SPOCK3: variants seen among roughly 807,000 people sequenced by gnomAD.
SPOCK3 encodes testican-3.
In SPOCK3, 30 loss-of-function variants were observed where a neutral mutation model predicts 56.6. The observed-to-expected ratio is 0.53, with a 90% CI of 0.40 to 0.72. The LOEUF is 0.72. SPOCK3 is among the 30% of genes least tolerant of loss of function. The probability of loss-of-function intolerance (pLI) is 0.00; values close to 1 mark genes in which losing one functional copy is unlikely to be tolerated. For synonymous variants in SPOCK3, 196 were observed against 183.3 expected, an observed-to-expected ratio of 1.07 and a Z score of -0.56; for missense variants, 527 against 530.0, an observed-to-expected ratio of 0.99 and a Z score of 0.06.
intron 7 of SPOCK3, among the ~76,000 whole-genome samples, chr4:166,786,596 C>T (rs958536519): frequency 6.6e-6 from 1 of 152,152 alleles, no homozygotes; most frequent in Non-Finnish European, 1.5e-5. Context: ...GTATGTGATA[C>T]TCAGGGACAG....
chr4:167,076,145 T>A (rs1262584445), intron 2 of SPOCK3, among the ~76,000 whole-genome samples: 1 of 151,610 alleles, frequency 6.6e-6, no homozygotes, highest in Non-Finnish European at 1.5e-5. Context: ...AGGGTTTGGG[T>A]GGGGAGAAGA....
At chr4:167,112,192 G>A (rs1760961191) in intron 2 of SPOCK3, among the ~76,000 whole-genome samples, 2 of 152,102 alleles carry the variant, frequency 1.3e-5, no homozygotes, top group African/African-American at 2.4e-5. Context: ...AATATAATTT[G>A]CTGAAAATGT....
At chr4:167,061,868 C>T (rs1005105598) in intron 3 of SPOCK3, among the ~76,000 whole-genome samples, 7 of 151,808 alleles carry the variant, frequency 4.6e-5, no homozygotes, top group African/African-American at 1.2e-4. Context: ...TCTCTTTAGT[C>T]ATTTATGTAA....
At chr4:166,941,773 G>A (rs1389431080) in intron 4 of SPOCK3, among the ~76,000 whole-genome samples, 1 of 152,212 alleles carries the variant, frequency 6.6e-6, no homozygotes, top group Non-Finnish European at 1.5e-5. Flanking sequence ...GCCACGGTGT[G>A]AGTAGTCCTG....
chr4:166,939,393 AAAT>A (rs1343981668), intron 4 of SPOCK3, among the ~76,000 whole-genome samples: 2 of 152,180 alleles, frequency 1.3e-5, no homozygotes, highest in Admixed American at 1.3e-4. Flanking sequence ...AGCATAAATA[AAAT>A]AATAAGAACA....
Position 166,788,249 on chromosome 4 carries a change from A to C in SPOCK3, c.709+3921T>G, listed in dbSNP as rs987490496. ...AATTTATTTTTAACCAAATTAAATC[A>C]TGTAGATGACAAGCTTTATTTCAAC... On this transcript the variant is annotated intron_variant, in intron 7 of 10. Coordinates refer to ENST00000357545, the MANE Select transcript of SPOCK3 (RefSeq NM_001040159.2). 5.8e-4 allele frequency among the ~76,000 whole-genome samples: 88 copies of C among 152,304 alleles called. 1 individual carries two copies. Among genetic ancestry groups the C allele is most frequent in the African/African-American group, 2.0e-3 (85 of 41,578 alleles).
In SPOCK3 at chr4:166,909,377, C is replaced by T. The variant is rs116542865; in HGVS notation, c.474+3243G>A. On this transcript the variant is annotated intron_variant, in intron 5 of 10. Coordinates refer to ENST00000357545, the MANE Select transcript of SPOCK3 (RefSeq NM_001040159.2). ...TGATATTCCTCTTTCCCACCACATC[C>T]CCCAGCTCCTGCACCTGACCTCACC... 7.6e-4 allele frequency among the ~76,000 whole-genome samples: 115 copies of T among 152,150 alleles called. 1 individual carries two copies. The highest frequency in any genetic ancestry group is 2.6e-3 in the African/African-American group (108 of 41,518).
intron 2 of SPOCK3, among the ~76,000 whole-genome samples, chr4:167,110,779 A>G (rs1471839374): frequency 6.6e-6 from 1 of 152,082 alleles, no homozygotes; most frequent in Admixed American, 6.6e-5. Context: ...ATATAGTTAA[A>G]TATCTCTAAA....
intron 6 of SPOCK3, among the ~76,000 whole-genome samples, chr4:166,813,651 A>C (rs1202102132): frequency 6.6e-6 from 1 of 151,952 alleles, no homozygotes; most frequent in Non-Finnish European, 1.5e-5. Context: ...ATTAAATTTG[A>C]GGTAAAAAAG....
chr4:167,121,331 A>G (rs527422531), intron 2 of SPOCK3, among the ~76,000 whole-genome samples: 6 of 152,116 alleles, frequency 3.9e-5, no homozygotes, highest in African/African-American at 1.4e-4. Context: ...ATTCCTCATA[A>G]AAATTTCTCT....
chr4:167,184,957 G>A (rs9993550), intron 2 of SPOCK3, among the ~76,000 whole-genome samples: 18,706 of 152,124 alleles, frequency 0.12, 1,364 homozygotes, highest in East Asian at 0.2. Context: ...TAAGTTGTTT[G>A]AATATGTAAT....
chr4:166,884,082 T>C (rs1733947776), intron 6 of SPOCK3, among the ~76,000 whole-genome samples: 2 of 152,220 alleles, frequency 1.3e-5, no homozygotes, highest in South Asian at 2.1e-4. Flanking sequence ...GAAATATATG[T>C]TGCAATGGCT....
intron 2 of SPOCK3, among the ~76,000 whole-genome samples, chr4:167,174,305 A>G (rs1730771938): frequency 6.6e-6 from 1 of 152,106 alleles, no homozygotes. Context: ...ATAATAAAAT[A>G]TATACGATTT....
chr4:167,120,930 G>A (rs1761813719), intron 2 of SPOCK3, among the ~76,000 whole-genome samples: 1 of 151,718 alleles, frequency 6.6e-6, no homozygotes, highest in Admixed American at 6.6e-5. Flanking sequence ...TGAAGATTAA[G>A]TCACTTACAT....
intron 1 of SPOCK3, 70 bp from the exon 2 acceptor site, chr4:167,234,243 C>A (rs780835017): frequency 2.0e-6 from 3 of 1,518,680 alleles, no homozygotes; most frequent in Non-Finnish European, 1.8e-6. Context: ...AAGCCAGGAG[C>A]GACCCTGGAA....
chr4:166,877,753 G>C (rs945778312), intron 6 of SPOCK3, among the ~76,000 whole-genome samples: 7 of 151,996 alleles, frequency 4.6e-5, no homozygotes, highest in African/African-American at 1.4e-4. Flanking sequence ...TTTTTTGTTT[G>C]TAGTAACAAC....
chr4:167,071,940 T>C (rs766316646), intron 2 of SPOCK3, among the ~76,000 whole-genome samples: 4 of 152,176 alleles, frequency 2.6e-5, no homozygotes, highest in South Asian at 2.1e-4. Flanking sequence ...TGGTATCTCA[T>C]TGTGGTAAGA....
At chr4:167,103,355 C>G (rs770454032) in intron 2 of SPOCK3, among the ~76,000 whole-genome samples, 2 of 152,018 alleles carry the variant, frequency 1.3e-5, no homozygotes, top group Admixed American at 6.6e-5. Flanking sequence ...CTGCCCTGGA[C>G]CAGAGGGTGG....
chr4:166,739,102 C>T (rs1734554866), intron 9 of SPOCK3, among the ~76,000 whole-genome samples: 1 of 152,096 alleles, frequency 6.6e-6, no homozygotes, highest in Non-Finnish European at 1.5e-5. Context: ...TAAATGTGTT[C>T]CTATTTCTCC....
Sources: allele counts gnomAD v4.1 joint callset (sites outside exome capture counted in the v4.1 genomes callset), GRCh38; gene constraint gnomAD v4.1.1; transcripts MANE v1.5; gene names NCBI Gene and HGNC (gene_info 2026-07-23, HGNC 2026-07-21).